Variants in PCDH15 observed in about 807,000 individuals in gnomAD.
PCDH15 encodes the protein protocadherin-15.
PCDH15 carries 129 observed loss-of-function variants against 178.5 expected under a neutral mutation model. The observed-to-expected ratio is 0.72, with a 90% CI of 0.63 to 0.84. The LOEUF (loss-of-function observed/expected upper bound fraction) is 0.84, where lower values mean the gene tolerates loss of function less well. PCDH15 is among the 40% of genes least tolerant of loss of function. The pLI, the probability that PCDH15 is intolerant of heterozygous loss-of-function variation, is 0.00. For missense variants in PCDH15, 2,230 were observed against 2,099.9 expected (o/e 1.06, Z -1.21); for synonymous variants, 800 against 732.0 (o/e 1.09, Z -1.50).
intron 3 of PCDH15, among the ~76,000 whole-genome samples, chr10:54,473,489 G>A (rs1219114927): frequency 6.6e-6 from 1 of 152,162 alleles, no homozygotes; most frequent in Non-Finnish European, 1.5e-5. Context: ...TTCTGAGCAC[G>A]CTATGACTGT....
intron 2 of PCDH15, among the ~76,000 whole-genome samples, chr10:55,574,173 G>T (rs1187346106): frequency 6.6e-6 from 1 of 151,930 alleles, no homozygotes; most frequent in African/African-American, 2.4e-5. Flanking sequence ...CCTTAGTCAT[G>T]AGTTTTAGCA....
At chr10:54,174,875 G>A (rs1269310042) in intron 13 of PCDH15, among the ~76,000 whole-genome samples, 1 of 151,788 alleles carries the variant, frequency 6.6e-6, no homozygotes, top group East Asian at 1.9e-4. Flanking sequence ...AATGCTGATA[G>A]TGTAATCAAA....
intron 3 of PCDH15, among the ~76,000 whole-genome samples, chr10:54,392,358 T>A (rs1227553671): frequency 7.0e-6 from 1 of 142,070 alleles, no homozygotes; most frequent in Non-Finnish European, 1.5e-5. Context: ...CCCAGCTACT[T>A]GGGAGGCTGA....
intron 2 of PCDH15, among the ~76,000 whole-genome samples, chr10:54,919,115 G>T (rs1837418877): frequency 6.6e-6 from 1 of 152,162 alleles, no homozygotes; most frequent in Non-Finnish European, 1.5e-5. Context: ...GAGACTGTCT[G>T]CATAATTGTT....
At chr10:53,933,686 C>CCCAGTAATA (rs1564804892) in intron 25 of PCDH15, among the ~76,000 whole-genome samples, 2 of 152,116 alleles carry the variant, frequency 1.3e-5, no homozygotes, top group African/African-American at 4.8e-5. Flanking sequence ...TGGGTATATA[C>CCCAGTAATA]CCAGTAATGG....
intron 21 of PCDH15, among the ~76,000 whole-genome samples, chr10:53,983,842 C>T (rs191033088): frequency 6.6e-6 from 1 of 152,214 alleles, no homozygotes; most frequent in East Asian, 1.9e-4. Flanking sequence ...ATATTCTATG[C>T]CTTAAATTCT....
chr10:55,391,591 A>G (rs1173138090), intron 2 of PCDH15, among the ~76,000 whole-genome samples: 15 of 151,980 alleles, frequency 9.9e-5, no homozygotes, highest in Admixed American at 8.5e-4. Context: ...GATTCAAGTG[A>G]TTCTCTTGCC....
At chr10:54,629,921 A>G (rs940171518) in intron 2 of PCDH15, among the ~76,000 whole-genome samples, 17 of 152,108 alleles carry the variant, frequency 1.1e-4, no homozygotes, top group Non-Finnish European at 2.5e-4. Flanking sequence ...ACATACAAAA[A>G]TCAGTAGCAT....
intron 14 of PCDH15, among the ~76,000 whole-genome samples, chr10:54,143,530 A>G (rs1029658004): frequency 3.9e-5 from 6 of 152,160 alleles, no homozygotes; most frequent in Non-Finnish European, 1.5e-5. Context: ...TTAGAGAGGA[A>G]AATTCCAGGG....
At chr10:54,340,507 T>C (rs949463211) in intron 6 of PCDH15, among the ~76,000 whole-genome samples, 2 of 152,208 alleles carry the variant, frequency 1.3e-5, no homozygotes, top group African/African-American at 2.4e-5. Flanking sequence ...CATATGGGTC[T>C]GCAGCAACTC....
chr10:54,760,458 C>T (rs1377230355), intron 1 of PCDH15, among the ~76,000 whole-genome samples: 1 of 152,140 alleles, frequency 6.6e-6, no homozygotes, highest in South Asian at 2.1e-4. Context: ...TGTGTTAACA[C>T]TTTGGATAAT....
intron 17 of PCDH15, among the ~76,000 whole-genome samples, chr10:54,067,552 C>G (rs1209127829): frequency 6.6e-6 from 1 of 152,146 alleles, no homozygotes; most frequent in Non-Finnish European, 1.5e-5. Context: ...AGGTCAATGA[C>G]TTCTGCACAA....
At chr10:53,816,366 C>T (rs536954733) in intron 34 of PCDH15, 89 bp from the exon 35 acceptor site, 45 of 396,866 alleles carry the variant, frequency 1.1e-4, no homozygotes, top group Middle Eastern at 6.3e-4. Context: ...GAAAAAAAGG[C>T]GACAGTTTAA....
intron 2 of PCDH15, among the ~76,000 whole-genome samples, chr10:55,154,222 A>T (rs1423702748): frequency 6.6e-6 from 1 of 152,276 alleles, no homozygotes; most frequent in East Asian, 1.9e-4. Flanking sequence ...ATATGAATTC[A>T]TCTTTTACAG....
chr10:55,582,542 TA>T (rs1489250718), intron 2 of PCDH15, among the ~76,000 whole-genome samples: 1 of 147,092 alleles, frequency 6.8e-6, no homozygotes, highest in Admixed American at 6.9e-5. Flanking sequence ...AATATCTCCC[TA>T]AAAAAATAGT....
At chr10:54,366,516 T>C (rs1416274678) in intron 5 of PCDH15, among the ~76,000 whole-genome samples, 1 of 152,084 alleles carries the variant, frequency 6.6e-6, no homozygotes, top group African/African-American at 2.4e-5. Flanking sequence ...TGTATGTATC[T>C]AATTTTAATG....
intron 17 of PCDH15, among the ~76,000 whole-genome samples, chr10:54,069,567 TC>T (rs1488413248): frequency 1.9e-4 from 29 of 152,324 alleles, no homozygotes; most frequent in Admixed American, 4.6e-4. Context: ...TTTATATATT[TC>T]TTGAAGTTTT....
intron 21 of PCDH15, among the ~76,000 whole-genome samples, chr10:53,985,584 A>C (rs1261995267): frequency 6.6e-6 from 1 of 152,130 alleles, no homozygotes; most frequent in Non-Finnish European, 1.5e-5. Flanking sequence ...AGTGTAGTCA[A>C]AGGGAAACTT....
At chr10:54,257,403 C>CTTTT (rs71461225) in intron 8 of PCDH15, among the ~76,000 whole-genome samples, 45,529 of 125,420 alleles carry the variant, frequency 0.36, 8,718 homozygotes, top group Middle Eastern at 0.42. Flanking sequence ...GAATTGTCTT[C>CTTTT]TTTTTTTTTT....
Sources: gnomAD v4.1 joint callset for allele counts (sites outside exome capture counted in the v4.1 genomes callset) on GRCh38, gnomAD v4.1.1 for gene constraint, MANE v1.5 for transcripts, NCBI Gene and HGNC (gene_info 2026-07-23, HGNC 2026-07-21) for gene names.